Variants in STARD13 observed in about 807,000 individuals in gnomAD.
STARD13 encodes the protein stAR-related lipid transfer protein 13.
Under a neutral mutation model 106.4 loss-of-function variants are expected in STARD13, and 62 were observed. The observed-to-expected ratio is 0.58, with a 90% CI of 0.48 to 0.72. The LOEUF is 0.72. Ranked by LOEUF, STARD13 falls within the 30% of genes least tolerant of loss-of-function variation. STARD13 has a pLI of 0.00. For missense variants in STARD13, 1,387 were observed against 1,424.0 expected (o/e 0.97, Z 0.42); for synonymous variants, 565 against 553.0 (o/e 1.02, Z -0.31).
intron 1 of STARD13, among the ~76,000 whole-genome samples, chr13:33,223,564 C>G (rs1211622513): frequency 6.6e-6 from 1 of 152,070 alleles, no homozygotes; most frequent in African/African-American, 2.4e-5. Flanking sequence ...GAGGCTGAGG[C>G]AGGAGAATTG....
In STARD13 at chr13:33,105,717, G is replaced by A. The variant is rs1593839102; in HGVS notation, c.3225-7C>T. 6.2e-7 allele frequency: 1 copy of A among 1,605,698 alleles called. No homozygotes were observed. ...CCATTCTGGGGAGTGACCTCTGTGG[G>A]GAAAGAAATCAGAAAGGAAGTGGGA... On this transcript the variant is annotated splice_polypyrimidine_tract_variant and splice_region_variant and intron_variant, in intron 13 of 13. Transcript: ENST00000336934.
chr13:33,350,495 A>G, exon 1 of STARD13: 1 of 1,475,764 alleles, frequency 6.8e-7, no homozygotes, highest in African/African-American at 1.4e-5. Flanking sequence ...CGGCGACTGG[A>G]AAGGACGGAC....
At chr13:33,136,748 G>A (rs141744700) in intron 4 of STARD13, among the ~76,000 whole-genome samples, 14 of 152,264 alleles carry the variant, frequency 9.2e-5, no homozygotes, top group Admixed American at 1.3e-4. Flanking sequence ...CTGCTGTGTC[G>A]CTCAATAAAA....
the STARD13 span, among the ~76,000 whole-genome samples, chr13:33,449,585 G>A: frequency 1.3e-5 from 2 of 152,058 alleles, no homozygotes; most frequent in Non-Finnish European, 2.9e-5. Context: ...TGGCTATTCA[G>A]GATCTTTTGT....
chr13:33,227,391 C>A (rs1888681296), intron 1 of STARD13, among the ~76,000 whole-genome samples: 1 of 152,280 alleles, frequency 6.6e-6, no homozygotes, highest in Middle Eastern at 3.4e-3. Flanking sequence ...CATATCAATA[C>A]CTTGAAAATA....
At chr13:33,426,385 G>A in the STARD13 span, among the ~76,000 whole-genome samples, 1 of 152,014 alleles carries the variant, frequency 6.6e-6, no homozygotes, top group African/African-American at 2.4e-5. Context: ...CTTTAATTAA[G>A]GTTATTTTAT....
chr13:33,491,085 C>T, the STARD13 span, among the ~76,000 whole-genome samples: 2 of 152,172 alleles, frequency 1.3e-5, no homozygotes, highest in African/African-American at 2.4e-5. Context: ...TTATGACATG[C>T]TAGAGAATGT....
chr13:33,109,266 T>C (rs1319232114), intron 12 of STARD13, among the ~76,000 whole-genome samples: 1 of 152,204 alleles, frequency 6.6e-6, no homozygotes, highest in South Asian at 2.1e-4. Flanking sequence ...CTTTCTATCA[T>C]TGGTTGAGCA....
the STARD13 span, among the ~76,000 whole-genome samples, chr13:33,669,495 A>G: frequency 2.9e-4 from 42 of 146,204 alleles, no homozygotes; most frequent in African/African-American, 1.1e-3. Context: ...AATCTTACCC[A>G]TGCTCACTAA....
chr13:33,444,684 C>T, the STARD13 span, among the ~76,000 whole-genome samples: 1 of 152,250 alleles, frequency 6.6e-6, no homozygotes, highest in South Asian at 2.1e-4. Context: ...AGGAGGATCA[C>T]TTGAACCCCA....
chr13:33,289,750 T>C (rs1892214512), upstream of STARD13, among the ~76,000 whole-genome samples: 1 of 152,116 alleles, frequency 6.6e-6, no homozygotes, highest in South Asian at 2.1e-4. Flanking sequence ...AGTTGGTGTC[T>C]TCAAGTAAGA....
At chr13:33,604,168 G>A in the STARD13 span, among the ~76,000 whole-genome samples, 3 of 152,160 alleles carry the variant, frequency 2.0e-5, no homozygotes, top group Non-Finnish European at 2.9e-5. Context: ...ATTATGCAGA[G>A]TGGACTACCA....
the STARD13 span, among the ~76,000 whole-genome samples, chr13:33,442,096 T>C: frequency 4.6e-5 from 7 of 152,310 alleles, no homozygotes; most frequent in African/African-American, 1.7e-4. Flanking sequence ...GAAAGTAAAA[T>C]AAGCTGTGTT....
chr13:33,675,779 T>C, the STARD13 span, among the ~76,000 whole-genome samples: 1 of 152,168 alleles, frequency 6.6e-6, no homozygotes, highest in Non-Finnish European at 1.5e-5. Flanking sequence ...CGTCTTCTCT[T>C]TTAAGTTCTC....
At chr13:33,325,338 T>C (rs886519182) in intron 1 of STARD13, among the ~76,000 whole-genome samples, 3 of 152,216 alleles carry the variant, frequency 2.0e-5, no homozygotes, top group Admixed American at 6.5e-5. Context: ...CTTTCTCAGA[T>C]ACTCTGCTTC....
chr13:33,559,086 A>C, the STARD13 span, among the ~76,000 whole-genome samples: 16 of 151,726 alleles, frequency 1.1e-4, 2 homozygotes, highest in African/African-American at 3.4e-4. Flanking sequence ...ATTTTCCCCC[A>C]AAAAATCTTT....
chr13:33,501,479 T>C, the STARD13 span, among the ~76,000 whole-genome samples: 19 of 152,316 alleles, frequency 1.2e-4, no homozygotes, highest in African/African-American at 4.6e-4. Context: ...TCCTTAATGG[T>C]ATTGCCTAGG....
chr13:33,450,702 C>G, the STARD13 span, among the ~76,000 whole-genome samples: 1 of 152,038 alleles, frequency 6.6e-6, no homozygotes, highest in South Asian at 2.1e-4. Context: ...TAGTGGACAT[C>G]ATGTAGAGAA....
intron 1 of STARD13, among the ~76,000 whole-genome samples, chr13:33,203,073 C>T (rs1048692176): frequency 1.8e-4 from 27 of 152,330 alleles, no homozygotes; most frequent in African/African-American, 6.3e-4. Flanking sequence ...ATATGGGCCT[C>T]CCAACCACCT....
Sources: gnomAD v4.1 joint callset for allele counts (sites outside exome capture counted in the v4.1 genomes callset) on GRCh38, gnomAD v4.1.1 for gene constraint, MANE v1.5 for transcripts, NCBI Gene and HGNC (gene_info 2026-07-23, HGNC 2026-07-21) for gene names.